Variants in KCNN3 observed in about 807,000 individuals in gnomAD.
KCNN3 encodes the protein potassium calcium-activated channel subfamily N member 3.
In KCNN3, 16 loss-of-function variants were observed where a neutral mutation model predicts 62.9. The observed-to-expected ratio is 0.25, with a 90% CI of 0.17 to 0.39. The LOEUF (loss-of-function observed/expected upper bound fraction) is 0.39. KCNN3 is among the 10% of genes least tolerant of loss of function. KCNN3 has a pLI of 1.00. For missense variants in KCNN3, 599 were observed against 949.4 expected (o/e 0.63, Z 4.85); for synonymous variants, 370 against 389.2 (o/e 0.95, Z 0.58).
rs150070588 is a variant in KCNN3 at position 154,826,967 on chromosome 1, T to TTGTG, written c.934-4787_934-4784dup. On this transcript the variant is annotated intron_variant, in intron 1 of 7. Transcript: ENST00000271915. ...ACCCACAAAGAGTATATGTGTATGGTTGTGTGTGTGTGTGTTTATACACAT... is the reference window on the plus strand; with the variant it reads ...ACCCACAAAGAGTATATGTGTATGGTTGTGTGTGTGTGTGTGTGTTTATACACAT... Among the ~76,000 whole-genome samples, 7 of 151,922 alleles carry TTGTG rather than the reference T, an allele frequency of 4.6e-5. 1 individual carries two copies. The Middle Eastern group carries it at 0.014, about 295-fold the overall frequency.
chr1:154,778,704 C>T (rs184791661), intron 2 of KCNN3, among the ~76,000 whole-genome samples: 15 of 143,320 alleles, frequency 1.0e-4, no homozygotes, highest in South Asian at 6.6e-4. Context: ...CGGGTTCAAG[C>T]GATTCTCCTG....
At chr1:154,731,557 C>T (rs1171039384) in intron 4 of KCNN3, among the ~76,000 whole-genome samples, 2 of 152,212 alleles carry the variant, frequency 1.3e-5, no homozygotes, top group Admixed American at 6.5e-5. Flanking sequence ...AGCCCCCAGC[C>T]GCTGTGAGGC....
chr1:154,775,849 G>A (rs915952410), intron 2 of KCNN3, among the ~76,000 whole-genome samples: 1 of 152,200 alleles, frequency 6.6e-6, no homozygotes, highest in African/African-American at 2.4e-5. Context: ...CCAAGCCATG[G>A]CAACGTGACT....
intron 3 of KCNN3, among the ~76,000 whole-genome samples, chr1:154,745,558 AGT>A (rs1700920800): frequency 6.6e-6 from 1 of 152,126 alleles, no homozygotes; most frequent in Admixed American, 6.5e-5. Flanking sequence ...CTTTTCTTGG[AGT>A]GTGTTTCTCT....
At position 154,870,237 on chromosome 1, in the gene KCNN3, G is replaced by T; in HGVS notation, c.-273C>A. 1 of 635,448 alleles carries T rather than the reference G, an allele frequency of 1.6e-6. No homozygotes were observed. Among genetic ancestry groups the T allele is most frequent in the Non-Finnish European group, 2.9e-6 (1 of 342,488 alleles). 39.4% of individuals were successfully genotyped at this position (635,448 alleles called of 1,614,324 possible). A position where few individuals can be genotyped will look rare whatever the true frequency, so the allele number is the denominator to read the frequency against. ...AACTCTCTCAGGAGGTGGTCCTCTA[G>T]GAGCGTGTGAGGCCAGGCTCAGCTT... On this transcript the variant is annotated 5_prime_UTR_variant, in exon 1 of 8. Transcript: ENST00000271915.
chr1:154,864,668 AG>A (rs1652887016), intron 1 of KCNN3, among the ~76,000 whole-genome samples: 1 of 152,248 alleles, frequency 6.6e-6, no homozygotes, highest in South Asian at 2.1e-4. Flanking sequence ...CTGTGGGAGC[AG>A]ACAGGGCAGC....
At chr1:154,777,454 G>C (rs892412722) in intron 2 of KCNN3, among the ~76,000 whole-genome samples, 2 of 152,118 alleles carry the variant, frequency 1.3e-5, no homozygotes, top group Non-Finnish European at 2.9e-5. Flanking sequence ...GGAAATTCCT[G>C]TTGAAAATCC....
At chr1:154,852,601 T>C (rs867564298) in intron 1 of KCNN3, among the ~76,000 whole-genome samples, 31 of 152,206 alleles carry the variant, frequency 2.0e-4, no homozygotes, top group African/African-American at 7.2e-4. Flanking sequence ...TGAGATATGC[T>C]GTGTCAGAGA....
intron 1 of KCNN3, among the ~76,000 whole-genome samples, chr1:154,833,430 G>A (rs1267648540): frequency 1.3e-5 from 2 of 152,304 alleles, no homozygotes; most frequent in East Asian, 3.9e-4. Flanking sequence ...GCTTCCCGGA[G>A]TTGCCAGCAT....
At chr1:154,735,025 A>G (rs993824144) in intron 3 of KCNN3, among the ~76,000 whole-genome samples, 7 of 152,188 alleles carry the variant, frequency 4.6e-5, no homozygotes, top group African/African-American at 7.2e-5. Context: ...AGATTTAGGA[A>G]GGCCTGGAAT....
intron 2 of KCNN3, among the ~76,000 whole-genome samples, chr1:154,811,265 C>T (rs1251114326): frequency 1.3e-5 from 2 of 152,088 alleles, no homozygotes; most frequent in South Asian, 2.1e-4. Context: ...GAGAGCTCAC[C>T]ACAAGCCTTG....
At chr1:154,731,780 A>T (rs1700599278) in intron 4 of KCNN3, among the ~76,000 whole-genome samples, 1 of 152,180 alleles carries the variant, frequency 6.6e-6, no homozygotes, top group Non-Finnish European at 1.5e-5. Context: ...GTCTCCAGCC[A>T]TGGAGACCCA....
At chr1:154,817,904 G>A (rs1477592682) in intron 2 of KCNN3, among the ~76,000 whole-genome samples, 1 of 152,184 alleles carries the variant, frequency 6.6e-6, no homozygotes, top group Non-Finnish European at 1.5e-5. Flanking sequence ...AGAGGATACT[G>A]GGGAGCAAGA....
rs569926288 is a variant in KCNN3 at position 154,801,192 on chromosome 1, C to A, written c.1029+20897G>T. ...GGCCGTTCAATTTTACCTGGAAAGC[C>A]CTGCTTCTTTTCTCACTGTCCCCAG... On this transcript the variant is annotated intron_variant, in intron 2 of 7. Transcript: ENST00000271915. Among the ~76,000 whole-genome samples, 8 of 152,220 alleles carry A rather than the reference C, an allele frequency of 5.3e-5. No individual in the cohort carries two copies. In the East Asian group the frequency reaches 1.5e-3, roughly 29 times the overall value.
At chr1:154,786,111 C>A (rs570953903) in intron 2 of KCNN3, among the ~76,000 whole-genome samples, 7 of 152,314 alleles carry the variant, frequency 4.6e-5, no homozygotes, top group African/African-American at 1.7e-4. Flanking sequence ...CTTGTCAGCA[C>A]CCTCACTAAA....
chr1:154,859,564 C>A, intron 1 of KCNN3: 1 of 884,972 alleles, frequency 1.1e-6, no homozygotes, highest in Non-Finnish European at 1.9e-6. Flanking sequence ...GGCAGCCTCT[C>A]CCTGCCTCCC....
intron 3 of KCNN3, among the ~76,000 whole-genome samples, chr1:154,752,160 A>G (rs1336858854): frequency 6.6e-6 from 1 of 152,200 alleles, no homozygotes; most frequent in African/African-American, 2.4e-5. Context: ...GATGATGACA[A>G]TGATGACGAT....
At chr1:154,755,732 A>G in intron 3 of KCNN3, among the ~76,000 whole-genome samples, 1 of 149,848 alleles carries the variant, frequency 6.7e-6, no homozygotes, top group Non-Finnish European at 1.5e-5. Context: ...GGAAAAGGAG[A>G]AGAAGAAGGC....
chr1:154,747,353 G>T (rs1473548488), intron 3 of KCNN3, among the ~76,000 whole-genome samples: 1 of 152,100 alleles, frequency 6.6e-6, no homozygotes, highest in Non-Finnish European at 1.5e-5. Context: ...ACCCTCCCCT[G>T]CTCCCAATCT....
Sources: allele counts gnomAD v4.1 joint callset (sites outside exome capture counted in the v4.1 genomes callset), GRCh38; gene constraint gnomAD v4.1.1; transcripts MANE v1.5; gene names NCBI Gene and HGNC (gene_info 2026-07-23, HGNC 2026-07-21).